KALRN: variants seen among roughly 807,000 people sequenced by gnomAD.
KALRN encodes the protein kalirin.
A neutral mutation model predicts 353.7 loss-of-function variants in KALRN; 70 were observed. The observed-to-expected ratio is 0.20, with a 90% CI of 0.16 to 0.24. The LOEUF (loss-of-function observed/expected upper bound fraction) is 0.24, where lower values mean the gene tolerates loss of function less well. Ranked by LOEUF, KALRN falls within the 10% of genes least tolerant of loss-of-function variation. The pLI is 1.00. For missense variants in KALRN, 2,791 were observed against 3,756.7 expected, an observed-to-expected ratio of 0.74 and a Z score of 6.72; for synonymous variants, 1,391 against 1,434.8, an observed-to-expected ratio of 0.97 and a Z score of 0.69.
intron 33 of KALRN, among the ~76,000 whole-genome samples, chr3:124,498,171 G>A (rs776384790): frequency 1.3e-5 from 2 of 152,122 alleles, no homozygotes; most frequent in Non-Finnish European, 2.9e-5. Context: ...AAGTCAAAGC[G>A]TTGAATTCCT....
At chr3:124,635,104 G>T (rs766624344) in intron 36 of KALRN, among the ~76,000 whole-genome samples, 31 of 152,168 alleles carry the variant, frequency 2.0e-4, no homozygotes, top group Admixed American at 2.0e-3. Context: ...CCTAGGTGAT[G>T]TTGGTGGCCC....
At chr3:124,675,003 G>GATATATATATATATATAT (rs141101032) in intron 49 of KALRN, 3 of 146,580 alleles carry the variant, frequency 2.0e-5, no homozygotes, top group African/African-American at 7.5e-5. Flanking sequence ...TTAAGTAACT[G>GATATATATATATATATAT]ATATATATAT....
chr3:124,405,924 G>A (rs370893036), intron 13 of KALRN, among the ~76,000 whole-genome samples: 6 of 152,150 alleles, frequency 3.9e-5, no homozygotes, highest in South Asian at 2.1e-4. Flanking sequence ...GATTACAGGC[G>A]TGAGCCACCA....
chr3:124,657,403 T>A, intron 39 of KALRN, 45 bp from the exon 40 acceptor site: 1 of 1,411,584 alleles, frequency 7.1e-7, no homozygotes, highest in Non-Finnish European at 1.0e-6. Flanking sequence ...CCCAGAAAGC[T>A]TTCCTGTGAA....
rs565137793 is a variant in KALRN at position 124,038,950 on chromosome 3, G to C, written c.73+5137G>C. On this transcript the variant is annotated intron_variant, in intron 1 of 59. Transcript: ENST00000682506. ...GCTCATTCACAGGGCATGGCCCCAG[G>C]CCAGGCCCCATATGCCCCCATGGAC... 3.9e-5 allele frequency among the ~76,000 whole-genome samples: 6 copies of C among 152,332 alleles called. No homozygotes were observed. In the East Asian group the frequency reaches 9.6e-4, roughly 24 times the overall value.
chr3:124,441,964 G>A lies in KALRN; in HGVS notation c.3218G>A (p.Arg1073Gln). The A allele has an allele frequency of 1.3e-6, 2 of 1,592,220 alleles. No homozygotes were observed. Among genetic ancestry groups the A allele is most frequent in the Non-Finnish European group, 1.7e-6 (2 of 1,164,778 alleles). ...TCGCAGGCCTGCACCCTGGCTCGGCGGAATGCTGAGGTGTTTCTCAAGTAC... is the reference window on the plus strand; with the variant it reads ...TCGCAGGCCTGCACCCTGGCTCGGCAGAATGCTGAGGTGTTTCTCAAGTAC... Reference protein sequence around the residue: ...AFLKACTLARRNAEVFLKYIH... With the variant: ...AFLKACTLARQNAEVFLKYIH... Residue 1073 changes from arginine to glutamine, a missense_variant, in exon 19 of 60, where the codon CGG becomes CAG. Physicochemically the swap from Arg to Gln is conservative, Grantham distance 43. Around this residue, in one of 11 missense-constraint regions of KALRN, gnomAD observed 268 missense variants for 347.0 expected, o/e 0.77. Coordinates refer to ENST00000682506, the MANE Select transcript of KALRN (RefSeq NM_001388419.1).
chr3:124,609,237 T>C (rs1283069712), intron 34 of KALRN, among the ~76,000 whole-genome samples: 1 of 152,230 alleles, frequency 6.6e-6, no homozygotes, highest in Non-Finnish European at 1.5e-5. Flanking sequence ...ATATTACTTT[T>C]GAAATCCTGA....
chr3:124,375,993 A>G (rs1165586135), intron 10 of KALRN, among the ~76,000 whole-genome samples: 4 of 152,204 alleles, frequency 2.6e-5, no homozygotes, highest in African/African-American at 4.8e-5. Context: ...TTACTTTAAA[A>G]AAAATGTGGA....
At chr3:124,636,363 A>G (rs1458567632) in intron 36 of KALRN, among the ~76,000 whole-genome samples, 2 of 152,138 alleles carry the variant, frequency 1.3e-5, no homozygotes, top group Admixed American at 6.5e-5. Flanking sequence ...CCAAACAAAA[A>G]ACCACCATCC....
At chr3:124,163,836 G>T (rs1920633) in intron 1 of KALRN, 302,581 of 984,956 alleles carry the variant, frequency 0.31, 47,385 homozygotes, top group East Asian at 0.47. Context: ...GATGTTTAAT[G>T]CCTGGATATT....
At chr3:124,179,474 G>T (rs1159751344) in intron 1 of KALRN, among the ~76,000 whole-genome samples, 3 of 152,210 alleles carry the variant, frequency 2.0e-5, no homozygotes, top group Non-Finnish European at 4.4e-5. Flanking sequence ...CTTCCTGAAA[G>T]ACCTGCTTAG....
intron 21 of KALRN, among the ~76,000 whole-genome samples, chr3:124,453,827 C>G (rs1439572392): frequency 6.6e-6 from 1 of 152,208 alleles, no homozygotes; most frequent in Non-Finnish European, 1.5e-5. Flanking sequence ...GAGACCTCCC[C>G]TACCCATGCC....
chr3:124,120,709 AAAATATATAT>A (rs1232532306), intron 1 of KALRN, among the ~76,000 whole-genome samples: 8 of 112,748 alleles, frequency 7.1e-5, no homozygotes, highest in African/African-American at 2.7e-4. Context: ...AGGAATACTA[AAAATATATAT>A]ATATATATAT....
Position 124,698,310 on chromosome 3 carries a change from T to C in KALRN, c.7831+586T>C, listed in dbSNP as rs532547373. ...TGTTTTTCTGTCTTCTCTTCGTCTC[T>C]AGGAGGTCCTTCAGAATTGTGAACA... On this transcript the variant is annotated intron_variant, in intron 55 of 59. Transcript: ENST00000682506. 1.3e-3 allele frequency among the ~76,000 whole-genome samples: 202 copies of C among 152,346 alleles called. 2 individuals are homozygous for C. The highest frequency in any genetic ancestry group is 4.3e-3 in the African/African-American group (177 of 41,582).
chr3:124,670,231 G>A (rs1346612971), intron 47 of KALRN, among the ~76,000 whole-genome samples: 1 of 152,158 alleles, frequency 6.6e-6, no homozygotes, highest in African/African-American at 2.4e-5. Context: ...TGATCCACCC[G>A]CCTTGGCCTC....
intron 1 of KALRN, among the ~76,000 whole-genome samples, chr3:124,084,843 G>C (rs1006940120): frequency 6.6e-6 from 1 of 152,198 alleles, no homozygotes; most frequent in Non-Finnish European, 1.5e-5. Context: ...ATGACAGATG[G>C]AATCCAGGCT....
chr3:124,040,243 C>T (rs1441979581), intron 1 of KALRN, among the ~76,000 whole-genome samples: 1 of 152,172 alleles, frequency 6.6e-6, no homozygotes, highest in Non-Finnish European at 1.5e-5. Flanking sequence ...CAATAAAACA[C>T]TATAAGGGGT....
chr3:124,562,854 A>G lies in KALRN; in HGVS notation c.4947A>G (p.Gly1649=). 7.3e-7 allele frequency: 1 copy of G among 1,365,046 alleles called. No homozygotes were observed. Among genetic ancestry groups the G allele is most frequent in the Non-Finnish European group, 9.8e-7 (1 of 1,020,898 alleles). The allele number at this position is 1,365,046 out of a possible 1,614,324, so 84.6% of individuals were successfully genotyped here. The part of the protein sequence containing the change: ...NTVDSDKLSG[G]CELTVVLQDF... Reference sequence around the variant, plus strand: ...ACCACCCTCCAAAGCTCTCTGGTGGATGTGAGCTGACAGTGGTCCTCCAGG... The same window carrying G: ...ACCACCCTCCAAAGCTCTCTGGTGGGTGTGAGCTGACAGTGGTCCTCCAGG... Residue 1649 remains glycine (G), a synonymous_variant, in exon 34 of 60, where the codon GGA becomes GGG. Coordinates refer to ENST00000682506, the MANE Select transcript of KALRN (RefSeq NM_001388419.1).
intron 1 of KALRN, chr3:124,152,348 G>C (rs1234221550): frequency 9.1e-6 from 11 of 1,213,970 alleles, no homozygotes; most frequent in Non-Finnish European, 1.3e-5. Flanking sequence ...TTGAAGATTT[G>C]ACGAAGGCGA....
Sources: gnomAD v4.1 joint callset for allele counts (sites outside exome capture counted in the v4.1 genomes callset) on GRCh38, gnomAD v4.1.1 for gene constraint, gnomAD v4.1.1 regional missense constraint, MANE v1.5 for transcripts, NCBI Gene and HGNC (gene_info 2026-07-23, HGNC 2026-07-21) for gene names.